The following RIGI variants were observed in gnomAD, a reference collection of about 807,000 sequenced individuals.
RIGI encodes antiviral innate immune response receptor RIG-I.
the RIGI span, among the ~76,000 whole-genome samples, chr9:32,468,693 C>T: frequency 6.6e-6 from 1 of 151,700 alleles, no homozygotes; most frequent in Non-Finnish European, 1.5e-5. Context: ...AAATGAGGGG[C>T]TTGAGGTTCC....
chr9:32,501,484 AAC>A, the RIGI span, among the ~76,000 whole-genome samples: 3 of 152,154 alleles, frequency 2.0e-5, no homozygotes, highest in Non-Finnish European at 1.5e-5. Flanking sequence ...CAGCCTGGAC[AAC>A]AGAGTGAAAA....
chr9:32,473,146 G>GAA, the RIGI span: 1 of 1,042,624 alleles, frequency 9.6e-7, no homozygotes, highest in African/African-American at 1.6e-5. Flanking sequence ...CATGCAAAAA[G>GAA]AAAAAAATTT....
the RIGI span, among the ~76,000 whole-genome samples, chr9:32,461,562 T>C: frequency 6.6e-6 from 1 of 152,328 alleles, no homozygotes; most frequent in Middle Eastern, 3.4e-3. Flanking sequence ...ACATACAAAA[T>C]GGGACAATAG....
chr9:32,463,763 T>C, the RIGI span, among the ~76,000 whole-genome samples: 14 of 151,898 alleles, frequency 9.2e-5, no homozygotes, highest in Admixed American at 9.2e-4. Context: ...AAGCAAACTA[T>C]CTTAATTATG....
At chr9:32,512,275 T>C in the RIGI span, among the ~76,000 whole-genome samples, 1 of 152,160 alleles carries the variant, frequency 6.6e-6, no homozygotes, top group South Asian at 2.1e-4. Context: ...AAAAAGAAAA[T>C]TTCAGGCCAA....
chr9:32,477,250 T>C, the RIGI span: 1,653 of 1,155,352 alleles, frequency 1.4e-3, 6 homozygotes, highest in African/African-American at 0.019. Flanking sequence ...ATTTTATGAG[T>C]AGTAAGTACT....
chr9:32,505,186 A>C, the RIGI span, among the ~76,000 whole-genome samples: 3 of 150,988 alleles, frequency 2.0e-5, no homozygotes, highest in African/African-American at 7.3e-5. Flanking sequence ...AAACTTTATC[A>C]ATCTAATAGA....
chr9:32,474,202 C>CAAAAAA, the RIGI span, among the ~76,000 whole-genome samples: 3 of 50,916 alleles, frequency 5.9e-5, no homozygotes, highest in Admixed American at 2.6e-4. Context: ...GACCCTGTCT[C>CAAAAAA]AAAAAAAAAA....
At chr9:32,480,414 A>G in the RIGI span, 6 of 1,449,874 alleles carry the variant, frequency 4.1e-6, no homozygotes, top group Non-Finnish European at 5.6e-6. Context: ...CACTGTATTT[A>G]AGTTCAATTC....
chr9:32,495,067 G>A, the RIGI span, among the ~76,000 whole-genome samples: 1 of 152,134 alleles, frequency 6.6e-6, no homozygotes, highest in Admixed American at 6.5e-5. Flanking sequence ...ATCATATGGT[G>A]ATATATATTT....
At chr9:32,477,797 C>T in the RIGI span, among the ~76,000 whole-genome samples, 2 of 151,904 alleles carry the variant, frequency 1.3e-5, no homozygotes, top group South Asian at 2.1e-4. Context: ...TGGTGATGGG[C>T]GCCTATAATC....
chr9:32,476,001 T>C, the RIGI span, among the ~76,000 whole-genome samples: 1 of 151,950 alleles, frequency 6.6e-6, no homozygotes, highest in Non-Finnish European at 1.5e-5. Context: ...TTTCAAAAGA[T>C]TGGTTTTCAA....
At chr9:32,474,850 C>A in the RIGI span, among the ~76,000 whole-genome samples, 7 of 152,094 alleles carry the variant, frequency 4.6e-5, no homozygotes, top group Non-Finnish European at 8.8e-5. Context: ...ATAACTAATA[C>A]GGAAGCCATA....
the RIGI span, chr9:32,492,459 G>A: frequency 1.9e-6 from 3 of 1,613,988 alleles, no homozygotes; most frequent in Admixed American, 3.3e-5. Context: ...CAAAGTTTTG[G>A]GCCAGTTTTC....
chr9:32,459,832 G>GA, the RIGI span, among the ~76,000 whole-genome samples: 8 of 151,570 alleles, frequency 5.3e-5, no homozygotes, highest in South Asian at 8.4e-4. Flanking sequence ...CAAAACTTGG[G>GA]AAAAAAAACA....
At chr9:32,494,118 C>T in the RIGI span, among the ~76,000 whole-genome samples, 1 of 152,098 alleles carries the variant, frequency 6.6e-6, no homozygotes, top group African/African-American at 2.4e-5. Flanking sequence ...TTTAGTCAGC[C>T]AACACTTTAG....
At chr9:32,506,488 G>A in the RIGI span, among the ~76,000 whole-genome samples, 1 of 151,972 alleles carries the variant, frequency 6.6e-6, no homozygotes, top group East Asian at 1.9e-4. Context: ...TTTTGTTTTG[G>A]TTATTTCTTA....
At chr9:32,467,715 C>T in the RIGI span, 1 of 1,499,336 alleles carries the variant, frequency 6.7e-7, no homozygotes, top group Admixed American at 2.0e-5. Flanking sequence ...ACTTATAAAT[C>T]AGTCAAAACA....
chr9:32,512,293 G>C, the RIGI span, among the ~76,000 whole-genome samples: 4 of 152,188 alleles, frequency 2.6e-5, no homozygotes, highest in East Asian at 7.7e-4. Flanking sequence ...CAATATTCCT[G>C]ATGAACATTG....
Sources: gnomAD v4.1 joint callset for allele counts (sites outside exome capture counted in the v4.1 genomes callset) on GRCh38, gnomAD v4.1.1 for gene constraint, MANE v1.5 for transcripts, NCBI Gene and HGNC (gene_info 2026-07-23, HGNC 2026-07-21) for gene names.